ZNF407: variants seen among roughly 807,000 people sequenced by gnomAD.
ZNF407 encodes zinc finger protein 407.
Under a neutral mutation model 131.2 loss-of-function variants are expected in ZNF407, and 17 were observed. That is an observed-to-expected ratio of 0.13 (90% CI 0.09 to 0.19). The LOEUF (loss-of-function observed/expected upper bound fraction) is 0.19. Ranked by LOEUF, ZNF407 falls within the 10% of genes least tolerant of loss-of-function variation. ZNF407 has a pLI of 1.00. For synonymous variants in ZNF407, 1,156 were observed against 1,062.0 expected, an observed-to-expected ratio of 1.09 and a Z score of -1.72; for missense variants, 2,681 against 2,830.6, an observed-to-expected ratio of 0.95 and a Z score of 1.20.
At chr18:74,674,852 C>T (rs1004600556) in intron 3 of ZNF407, among the ~76,000 whole-genome samples, 1 of 152,204 alleles carries the variant, frequency 6.6e-6, no homozygotes, top group African/African-American at 2.4e-5. Context: ...ATTTCTGATC[C>T]ATACCCCCTC....
intron 3 of ZNF407, among the ~76,000 whole-genome samples, chr18:74,731,643 C>T (rs1968296833): frequency 6.6e-6 from 1 of 152,126 alleles, no homozygotes. Context: ...AATTAGTTTT[C>T]AAGTTCTTTT....
intron 3 of ZNF407, among the ~76,000 whole-genome samples, chr18:74,716,651 A>C (rs1399229743): frequency 6.6e-6 from 1 of 152,216 alleles, no homozygotes; most frequent in African/African-American, 2.4e-5. Flanking sequence ...TGGTGAAGTA[A>C]ACAACACAAA....
At position 74,877,311 on chromosome 18, in the gene ZNF407, T is replaced by C; in HGVS notation, c.4992T>C (p.His1664=). ...TTAAATGTACCTGGCCCACGTGCCA[T>C]TACTCATTCCTCACAGCCTCCGCAA... ...KPFKCTWPTC[H]YSFLTASAMK... The change falls in exon 5 of 9, where the codon CAT becomes CAC. Residue 1664 remains histidine, a synonymous_variant. Coordinates refer to ENST00000299687, the MANE Select transcript of ZNF407 (RefSeq NM_017757.3). 6.2e-7 allele frequency: 1 copy of C among 1,613,856 alleles called. No individual in the cohort carries two copies. Among genetic ancestry groups the C allele is most frequent in the Non-Finnish European group, 8.5e-7 (1 of 1,179,890 alleles).
intron 4 of ZNF407, among the ~76,000 whole-genome samples, chr18:74,839,335 A>T (rs1428541660): frequency 6.6e-6 from 1 of 152,238 alleles, no homozygotes; most frequent in Non-Finnish European, 1.5e-5. Flanking sequence ...ACTGGAGATT[A>T]ATTACAAGGA....
intron 3 of ZNF407, among the ~76,000 whole-genome samples, chr18:74,760,787 C>G (rs1326547249): frequency 2.0e-5 from 3 of 152,132 alleles, no homozygotes; most frequent in African/African-American, 7.2e-5. Context: ...CTACTCTAGT[C>G]ATCATTTTGT....
intron 4 of ZNF407, among the ~76,000 whole-genome samples, chr18:74,795,345 C>T (rs1969900146): frequency 6.6e-6 from 1 of 152,122 alleles, no homozygotes; most frequent in Non-Finnish European, 1.5e-5. Context: ...ATTTATTTGT[C>T]ATTCTATAAC....
At chr18:74,751,013 C>A (rs550387339) in intron 3 of ZNF407, among the ~76,000 whole-genome samples, 5 of 152,082 alleles carry the variant, frequency 3.3e-5, no homozygotes, top group Non-Finnish European at 7.4e-5. Flanking sequence ...AGATCCCTTG[C>A]CCGTTTTTAC....
At chr18:74,985,756 C>G (rs1972645482) in intron 8 of ZNF407, among the ~76,000 whole-genome samples, 1 of 152,068 alleles carries the variant, frequency 6.6e-6, no homozygotes, top group Non-Finnish European at 1.5e-5. Context: ...CATTGAACAG[C>G]CAGGGTAGTA....
chr18:74,898,410 C>G (rs1440543933), intron 7 of ZNF407: 1 of 152,146 alleles, frequency 6.6e-6, no homozygotes, highest in African/African-American at 2.4e-5. Context: ...AGAACTACTT[C>G]TGAGGTTTTG....
At chr18:74,720,224 G>A (rs921461190) in intron 3 of ZNF407, among the ~76,000 whole-genome samples, 1 of 151,880 alleles carries the variant, frequency 6.6e-6, no homozygotes, top group African/African-American at 2.4e-5. Flanking sequence ...GAGGTGAGAT[G>A]AGACCTCGGT....
At chr18:74,736,918 C>T (rs1400948196) in intron 3 of ZNF407, among the ~76,000 whole-genome samples, 1 of 152,140 alleles carries the variant, frequency 6.6e-6, no homozygotes, top group Non-Finnish European at 1.5e-5. Context: ...AAAGTATCTT[C>T]ATGAGAAGTA....
At chr18:74,843,096 G>C (rs1367978999) in intron 4 of ZNF407, among the ~76,000 whole-genome samples, 1 of 152,136 alleles carries the variant, frequency 6.6e-6, no homozygotes, top group Non-Finnish European at 1.5e-5. Flanking sequence ...TTAAGGAGTT[G>C]AGCTTCCTGC....
At chr18:75,007,112 A>C (rs1259898490) in intron 8 of ZNF407, among the ~76,000 whole-genome samples, 3 of 152,122 alleles carry the variant, frequency 2.0e-5, no homozygotes, top group African/African-American at 7.2e-5. Context: ...TTGTTTCATA[A>C]TCCTGTCTGG....
chr18:74,934,255 T>C (rs997708414), intron 8 of ZNF407, among the ~76,000 whole-genome samples: 1 of 152,242 alleles, frequency 6.6e-6, no homozygotes, highest in Non-Finnish European at 1.5e-5. Flanking sequence ...CTTTCAAGGG[T>C]AGTATAGATG....
At chr18:74,762,619 T>TC (rs1969121178) in intron 3 of ZNF407, among the ~76,000 whole-genome samples, 1 of 152,172 alleles carries the variant, frequency 6.6e-6, no homozygotes, top group South Asian at 2.1e-4. Flanking sequence ...CAACTGCTGA[T>TC]CTGCTTTCTG....
At chr18:74,820,864 A>T (rs1477868014) in intron 4 of ZNF407, among the ~76,000 whole-genome samples, 1 of 152,130 alleles carries the variant, frequency 6.6e-6, no homozygotes, top group Non-Finnish European at 1.5e-5. Flanking sequence ...GAAACTAGGG[A>T]TGGTAAATCA....
intron 8 of ZNF407, among the ~76,000 whole-genome samples, chr18:75,011,931 G>T (rs1972978760): frequency 6.6e-6 from 1 of 152,054 alleles, no homozygotes; most frequent in Non-Finnish European, 1.5e-5. Flanking sequence ...TAATAGCCTA[G>T]TAAAATTTAC....
chr18:74,990,437 T>C (rs1185821065), intron 8 of ZNF407, among the ~76,000 whole-genome samples: 1 of 152,244 alleles, frequency 6.6e-6, no homozygotes, highest in African/African-American at 2.4e-5. Flanking sequence ...TTTGATTCAC[T>C]TTGACACTCT....
chr18:74,918,362 T>C (rs151085584), intron 7 of ZNF407, among the ~76,000 whole-genome samples: 1 of 152,200 alleles, frequency 6.6e-6, no homozygotes. Flanking sequence ...CAGCTCATCA[T>C]TGTGATATTT....
Sources: allele counts gnomAD v4.1 joint callset (sites outside exome capture counted in the v4.1 genomes callset), GRCh38; gene constraint gnomAD v4.1.1; transcripts MANE v1.5; gene names NCBI Gene and HGNC (gene_info 2026-07-23, HGNC 2026-07-21).